MITD1: variants seen among roughly 807,000 people sequenced by gnomAD.
MITD1 encodes MIT domain-containing protein 1.
In MITD1, 24 loss-of-function variants were observed where a neutral mutation model predicts 34.9. The observed-to-expected ratio is 0.69, with a 90% CI of 0.50 to 0.97. MITD1 has a LOEUF of 0.97. Among genes scored for constraint, MITD1 ranks in the 50% least tolerant of loss-of-function variants. The probability of loss-of-function intolerance (pLI) is 0.00; values close to 1 mark genes in which losing one functional copy is unlikely to be tolerated. For synonymous variants in MITD1, 102 were observed against 101.4 expected (o/e 1.01, Z -0.04); for missense variants, 266 against 294.6 (o/e 0.90, Z 0.71).
downstream of MITD1, among the ~76,000 whole-genome samples, chr2:99,165,053 CACACACACAT>C (rs1456204345): frequency 1.8e-4 from 23 of 126,164 alleles, no homozygotes; most frequent in African/African-American, 5.8e-4. Flanking sequence ...CACACACACA[CACACACACAT>C]ATATATATAG....
chr2:99,163,144 A>T, intron 7 of MITD1: 3 of 980,750 alleles, frequency 3.1e-6, no homozygotes, highest in Non-Finnish European at 4.3e-6. Flanking sequence ...TGCACATTGT[A>T]TGTCAAAAAA....
downstream of MITD1, among the ~76,000 whole-genome samples, chr2:99,167,790 C>G (rs2093833365): frequency 6.6e-6 from 1 of 152,102 alleles, no homozygotes; most frequent in African/African-American, 2.4e-5. Flanking sequence ...TATGATACAG[C>G]TTAGTAAATT....
At position 99,173,933 on chromosome 2, in the gene MITD1, A is replaced by T; in HGVS notation, c.235T>A (p.Leu79Met). 1 of 1,606,632 alleles carries T rather than the reference A, an allele frequency of 6.2e-7. No individual in the cohort carries two copies. The highest frequency in any genetic ancestry group is 8.5e-7 in the Non-Finnish European group (1 of 1,173,682). Residue 79 changes from leucine (L) to methionine (M), a missense_variant, in exon 2 of 7, where the codon TTG becomes ATG. Coordinates refer to ENST00000289359, the MANE Select transcript of MITD1 (RefSeq NM_138798.3). ...TCTTTACCTTCTTTTTCTTGGTCCA[A>T]GTACTTCTTTATGTTTTCCGCTCTG... Reference protein sequence around the residue: ...MDRAENIKKYLDQEKEDGKYH... With the variant: ...MDRAENIKKYMDQEKEDGKYH...
At chr2:99,177,450 A>G (rs530875511) in intron 1 of MITD1, among the ~76,000 whole-genome samples, 4 of 152,298 alleles carry the variant, frequency 2.6e-5, no homozygotes, top group South Asian at 2.1e-4. Flanking sequence ...ATAATTATAC[A>G]TATTAATGGG....
chr2:99,177,279 C>T (rs1033398832), intron 1 of MITD1, among the ~76,000 whole-genome samples: 2 of 152,140 alleles, frequency 1.3e-5, no homozygotes, highest in Non-Finnish European at 2.9e-5. Flanking sequence ...AGGCTTGGAC[C>T]CTTACAGCCA....
intron 7 of MITD1, chr2:99,162,770 G>A: frequency 1.2e-6 from 2 of 1,614,028 alleles, no homozygotes; most frequent in Non-Finnish European, 1.7e-6. Context: ...CTTGGGAGTG[G>A]ATATATGGCA....
chr2:99,180,906 C>T lies in MITD1; in HGVS notation c.76G>A (p.Asp26Asn). The T allele has an allele frequency of 3.1e-6, 5 of 1,614,226 alleles. No individual in the cohort carries two copies. Among genetic ancestry groups the T allele is most frequent in the Non-Finnish European group, 4.2e-6 (5 of 1,180,044 alleles). ...GCCTGCGGATACCGCGACTCCGAATCTAGTTCTACTGCCCGCTTTAGCACA... is the reference window on the plus strand; with the variant it reads ...GCCTGCGGATACCGCGACTCCGAATTTAGTTCTACTGCCCGCTTTAGCACA... ...ATVLKRAVELDSESRYPQALV... is the reference protein window; with the variant it reads ...ATVLKRAVELNSESRYPQALV... The change falls in exon 1 of 7, where the codon GAT (aspartate) becomes AAT (asparagine). Residue 26 changes from aspartate to asparagine, a missense_variant. Transcript: ENST00000289359.
At chr2:99,162,899 A>G in intron 7 of MITD1, 2 of 1,613,336 alleles carry the variant, frequency 1.2e-6, no homozygotes, top group South Asian at 2.2e-5. Flanking sequence ...ATATTGAAGC[A>G]CCTGATCATT....
intron 7 of MITD1, chr2:99,163,120 A>G (rs765445163): frequency 7.9e-6 from 11 of 1,385,132 alleles, no homozygotes; most frequent in Non-Finnish European, 5.8e-6. Flanking sequence ...TTAGAAAATA[A>G]AATGTCTCAT....
chr2:99,163,241 T>C, intron 7 of MITD1: 1 of 467,188 alleles, frequency 2.1e-6, no homozygotes, highest in Non-Finnish European at 3.8e-6. Context: ...CATCTGAAAT[T>C]CTTTATCACC....
At chr2:99,174,156 A>C in intron 1 of MITD1, 140 bp from the exon 2 acceptor site, 1 of 560,086 alleles carries the variant, frequency 1.8e-6, no homozygotes, top group Non-Finnish European at 3.1e-6. Context: ...CACACACAAT[A>C]AACTCAAATT....
chr2:99,177,547 G>A lies in MITD1; in HGVS notation c.151+3284C>T, dbSNP rs1212798130. 4.6e-5 allele frequency among the ~76,000 whole-genome samples: 7 copies of A among 152,148 alleles called. No homozygotes were observed. In the East Asian group the frequency reaches 1.2e-3, roughly 25 times the overall value. ...ATATCTGTCATCTTAAATATTTATTGTTTCTTTGTGGTAAGAACATTGAAA... is the reference window on the plus strand; with the variant it reads ...ATATCTGTCATCTTAAATATTTATTATTTCTTTGTGGTAAGAACATTGAAA... On this transcript the variant is annotated intron_variant, in intron 1 of 6. Transcript: ENST00000289359.
chr2:99,177,599 A>G (rs1329857596), intron 1 of MITD1, among the ~76,000 whole-genome samples: 1 of 152,186 alleles, frequency 6.6e-6, no homozygotes, highest in Non-Finnish European at 1.5e-5. Context: ...ATGTTGAAAC[A>G]TACAACACAT....
chr2:99,172,776 G>C (rs1424055492), intron 2 of MITD1: 2 of 151,736 alleles, frequency 1.3e-5, no homozygotes, highest in East Asian at 3.9e-4. Flanking sequence ...CCAGCTACTC[G>C]GGAGGCTGGG....
chr2:99,165,829 T>C (rs1222125171), downstream of MITD1, among the ~76,000 whole-genome samples: 1 of 152,132 alleles, frequency 6.6e-6, no homozygotes, highest in African/African-American at 2.4e-5. Flanking sequence ...TAGACACTAG[T>C]GATGCAGAAC....
At chr2:99,173,853 A>G in intron 2 of MITD1, 62 bp downstream of exon 2, 2 of 1,046,700 alleles carry the variant, frequency 1.9e-6, no homozygotes, top group Non-Finnish European at 3.0e-6. Context: ...GGAGCCAGAA[A>G]CATTGGGTGA....
intron 1 of MITD1, among the ~76,000 whole-genome samples, chr2:99,176,330 A>G (rs1446563560): frequency 7.4e-6 from 1 of 135,100 alleles, no homozygotes; most frequent in Non-Finnish European, 1.6e-5. Flanking sequence ...ACACAAATTC[A>G]TAAACTTTTT....
At chr2:99,177,660 CTTAT>C (rs1299306273) in intron 1 of MITD1, among the ~76,000 whole-genome samples, 1 of 144,182 alleles carries the variant, frequency 6.9e-6, no homozygotes, top group African/African-American at 2.5e-5. Context: ...ATTTATTCCT[CTTAT>C]TTAACTGTAA....
At chr2:99,169,975 C>G (rs1180069026) in intron 5 of MITD1, among the ~76,000 whole-genome samples, 1 of 152,182 alleles carries the variant, frequency 6.6e-6, no homozygotes, top group Non-Finnish European at 1.5e-5. Flanking sequence ...CTGACCTCTG[C>G]TTTAACTACA....
Sources: allele counts gnomAD v4.1 joint callset (sites outside exome capture counted in the v4.1 genomes callset), GRCh38; gene constraint gnomAD v4.1.1; transcripts MANE v1.5; gene names NCBI Gene and HGNC (gene_info 2026-07-23, HGNC 2026-07-21).